The following PRKCE variants were observed in gnomAD, a reference collection of about 807,000 sequenced individuals.
The protein encoded by PRKCE is protein kinase C epsilon type.
PRKCE carries 16 observed loss-of-function variants against 85.4 expected under a neutral mutation model. That is an observed-to-expected ratio of 0.19 (90% CI 0.13 to 0.28). The LOEUF (loss-of-function observed/expected upper bound fraction) is 0.28, where lower values mean the gene tolerates loss of function less well. Ranked by LOEUF, PRKCE falls within the 10% of genes least tolerant of loss-of-function variation. PRKCE has a pLI of 1.00. For synonymous variants in PRKCE, 388 were observed against 371.5 expected (o/e 1.04, Z -0.51); for missense variants, 573 against 975.2 (o/e 0.59, Z 5.49).
At chr2:45,651,669 G>A (rs1675127139), upstream of PRKCE, 2 of 106,324 alleles carry the variant, frequency 1.9e-5, no homozygotes, top group African/African-American at 7.3e-5. Flanking sequence ...TCCCCCTCCC[G>A]GAGTCGAAAT....
At chr2:46,090,894 A>G (rs935119331) in intron 11 of PRKCE, among the ~76,000 whole-genome samples, 1 of 152,180 alleles carries the variant, frequency 6.6e-6, no homozygotes, top group Non-Finnish European at 1.5e-5. Context: ...GGCAAGACCA[A>G]ATTTAGGAGG....
chr2:45,716,662 G>A (rs1254501853), intron 1 of PRKCE, among the ~76,000 whole-genome samples: 1 of 127,790 alleles, frequency 7.8e-6, no homozygotes, highest in South Asian at 2.5e-4. Flanking sequence ...AGGAGAAGGA[G>A]AAGAAAAAGA....
At chr2:45,834,784 A>G (rs1221472876) in intron 1 of PRKCE, among the ~76,000 whole-genome samples, 1 of 152,228 alleles carries the variant, frequency 6.6e-6, no homozygotes, top group East Asian at 1.9e-4. Context: ...GATCTACCAT[A>G]TGATGTACCA....
chr2:46,070,789 C>T (rs1668021502), intron 10 of PRKCE, among the ~76,000 whole-genome samples: 1 of 152,180 alleles, frequency 6.6e-6, no homozygotes, highest in Non-Finnish European at 1.5e-5. Context: ...CTTACTAGTT[C>T]CATGGCCTTG....
chr2:46,007,633 A>C lies in PRKCE; in HGVS notation c.1235A>C (p.Lys412Thr), dbSNP rs1440636636. The C allele has an allele frequency of 1.3e-6, 2 of 1,599,800 alleles. No homozygotes were observed. The highest frequency in any genetic ancestry group is 1.7e-6 in the Non-Finnish European group (2 of 1,179,970). Residue 412 changes from lysine to threonine, a missense_variant, in exon 9 of 15, where the codon AAG becomes ACG. Lys to Thr is a moderately conservative substitution (Grantham distance 78, BLOSUM62 -1). Around this residue, in one of 11 missense-constraint regions of PRKCE, gnomAD observed 117 missense variants for 104.8 expected, o/e 1.12. Transcript: ENST00000306156. ...GGCCTGGATGAGTTCAACTTCATCA[A>C]GGTGTTGGGCAAAGGCAGCTTTGGC... ...RLGLDEFNFI[K>T]VLGKGSFGKV...
At chr2:45,673,783 G>A (rs973565974) in intron 1 of PRKCE, among the ~76,000 whole-genome samples, 2 of 152,188 alleles carry the variant, frequency 1.3e-5, no homozygotes, top group South Asian at 2.1e-4. Flanking sequence ...CAGATTTTCT[G>A]AATAATATTC....
At chr2:45,842,808 A>C (rs1691464307) in intron 1 of PRKCE, among the ~76,000 whole-genome samples, 192 bp from the exon 2 acceptor site, 1 of 152,208 alleles carries the variant, frequency 6.6e-6, no homozygotes, top group Admixed American at 6.5e-5. Flanking sequence ...AACCACTGGG[A>C]TGGTGCTACC....
chr2:46,069,343 A>G (rs1667881173), intron 10 of PRKCE, among the ~76,000 whole-genome samples: 1 of 152,192 alleles, frequency 6.6e-6, no homozygotes, highest in Non-Finnish European at 1.5e-5. Flanking sequence ...GGCTGTCAGT[A>G]GGCCTTTTCT....
At chr2:45,878,812 T>C (rs1694666435) in intron 2 of PRKCE, among the ~76,000 whole-genome samples, 1 of 152,248 alleles carries the variant, frequency 6.6e-6, no homozygotes, top group Non-Finnish European at 1.5e-5. Context: ...CACTTATTTT[T>C]CTGTCTGTTT....
intron 10 of PRKCE, among the ~76,000 whole-genome samples, chr2:46,065,914 G>C (rs1272105255): frequency 6.6e-6 from 1 of 152,168 alleles, no homozygotes; most frequent in Non-Finnish European, 1.5e-5. Context: ...CTTGCCTCTT[G>C]CCCATGGGGC....
At chr2:46,164,949 A>G (rs1387774183) in intron 14 of PRKCE, 1 of 152,306 alleles carries the variant, frequency 6.6e-6, no homozygotes, top group Non-Finnish European at 1.5e-5. Flanking sequence ...GTCCAGATTC[A>G]TAGCTGGAAT....
chr2:45,799,596 A>G (rs902290648), intron 1 of PRKCE, among the ~76,000 whole-genome samples: 33 of 152,200 alleles, frequency 2.2e-4, no homozygotes, highest in Non-Finnish European at 5.9e-5. Flanking sequence ...AAAAATTAAA[A>G]TTATTTCAAT....
chr2:45,892,423 GA>G (rs1220338229), intron 2 of PRKCE, among the ~76,000 whole-genome samples: 1 of 151,900 alleles, frequency 6.6e-6, no homozygotes, highest in African/African-American at 2.4e-5. Flanking sequence ...GAGAGCAGAA[GA>G]AAAAAATAAC....
intron 1 of PRKCE, among the ~76,000 whole-genome samples, chr2:45,669,525 G>T (rs1038183408): frequency 6.6e-6 from 1 of 152,178 alleles, no homozygotes; most frequent in Non-Finnish European, 1.5e-5. Flanking sequence ...TACAGTGGGG[G>T]CTCCAATAGA....
intron 1 of PRKCE, among the ~76,000 whole-genome samples, chr2:45,662,478 C>T (rs147792171): frequency 3.9e-4 from 60 of 152,068 alleles, no homozygotes; most frequent in African/African-American, 1.4e-3. Context: ...ATAGGGGAGT[C>T]AGGTGACTCC....
intron 2 of PRKCE, among the ~76,000 whole-genome samples, chr2:45,919,764 C>T (rs906187191): frequency 1.3e-5 from 2 of 152,224 alleles, no homozygotes; most frequent in African/African-American, 4.8e-5. Flanking sequence ...AAATAACCTA[C>T]AGGCATGTAC....
chr2:45,814,633 G>A (rs1304345703), intron 1 of PRKCE, among the ~76,000 whole-genome samples: 3 of 152,246 alleles, frequency 2.0e-5, no homozygotes, highest in Non-Finnish European at 4.4e-5. Flanking sequence ...AAAACGAGGA[G>A]CACCAATTCT....
chr2:45,799,561 C>G (rs946251114), intron 1 of PRKCE, among the ~76,000 whole-genome samples: 5 of 152,066 alleles, frequency 3.3e-5, no homozygotes, highest in Admixed American at 6.5e-5. Context: ...AAGACCCTGT[C>G]TCTAAAAGAA....
At chr2:45,855,437 A>G (rs544851684) in intron 2 of PRKCE, among the ~76,000 whole-genome samples, 171 of 152,366 alleles carry the variant, frequency 1.1e-3, no homozygotes, top group African/African-American at 4.0e-3. Context: ...TATTTGAATG[A>G]ACCCCCAATT....
Sources: gnomAD v4.1 joint callset for allele counts (sites outside exome capture counted in the v4.1 genomes callset) on GRCh38, gnomAD v4.1.1 for gene constraint, gnomAD v4.1.1 regional missense constraint, MANE v1.5 for transcripts, NCBI Gene and HGNC (gene_info 2026-07-23, HGNC 2026-07-21) for gene names.